DRC1: variants seen among roughly 807,000 people sequenced by gnomAD.
DRC1 encodes the protein dynein regulatory complex subunit 1, also known as dynein regulatory complex protein 1.
In DRC1, 74 loss-of-function variants were observed where a neutral mutation model predicts 98.7. That is an observed-to-expected ratio of 0.75 (90% CI 0.62 to 0.91). The LOEUF (loss-of-function observed/expected upper bound fraction) is 0.91, where lower values mean the gene tolerates loss of function less well. Ranked by LOEUF, DRC1 falls within the 40% of genes least tolerant of loss-of-function variation. DRC1 has a pLI of 0.00. For missense variants in DRC1, 875 were observed against 886.0 expected (o/e 0.99, Z 0.16); for synonymous variants, 336 against 334.1 (o/e 1.01, Z -0.06).
At chr2:26,440,339 G>GTGTA (rs1347559627) in intron 7 of DRC1, 39 bp from the exon 8 acceptor site, 3 of 1,537,028 alleles carry the variant, frequency 2.0e-6, no homozygotes, top group Non-Finnish European at 2.6e-6. Flanking sequence ...GTGTGTGTGT[G>GTGTA]TGTGTGTATA....
chr2:26,404,851 C>A (rs1280179119), intron 1 of DRC1, among the ~76,000 whole-genome samples: 1 of 152,178 alleles, frequency 6.6e-6, no homozygotes, highest in Non-Finnish European at 1.5e-5. Flanking sequence ...AGGACTTTGC[C>A]TCCCCTGTGT....
intron 2 of DRC1, among the ~76,000 whole-genome samples, chr2:26,416,038 A>G (rs1442248636): frequency 6.6e-6 from 1 of 151,870 alleles, no homozygotes; most frequent in Admixed American, 6.6e-5. Flanking sequence ...CACCCCGAGC[A>G]CTCCTTAGTT....
At chr2:26,413,686 T>C (rs1678699162) in intron 1 of DRC1, among the ~76,000 whole-genome samples, 1 of 152,206 alleles carries the variant, frequency 6.6e-6, no homozygotes, top group South Asian at 2.1e-4. Flanking sequence ...CTTTTGTTTA[T>C]TGATTTGAAG....
intron 7 of DRC1, among the ~76,000 whole-genome samples, chr2:26,436,500 A>T (rs1216164310): frequency 2.0e-5 from 3 of 151,876 alleles, no homozygotes. Flanking sequence ...TTTTGTAGAG[A>T]TAGGTTCTCA....
At chr2:26,409,241 G>A (rs1306890310) in intron 1 of DRC1, among the ~76,000 whole-genome samples, 1 of 151,970 alleles carries the variant, frequency 6.6e-6, no homozygotes, top group Admixed American at 6.6e-5. Flanking sequence ...CCATCAGCTT[G>A]TTTTTAATGT....
rs759791684 is a variant in DRC1 at position 26,454,764 on chromosome 2, C to A, written c.2037C>A (p.Ala679=). Residue 679 remains alanine, a synonymous_variant, in exon 15 of 17, where the codon GCC becomes GCA. Coordinates refer to ENST00000288710, the MANE Select transcript of DRC1 (RefSeq NM_145038.5). This position sits in a 1 kb window ranked among gnomAD's most constrained non-coding sequence, Gnocchi z 5.2. ...CCTCCAAGCAGAACCTCTGGGATGC[C>A]CTCTACACAGCCTTGGAGAAGTACC... The part of the protein sequence containing the change: ...IPSSKQNLWD[A]LYTALEKYHL... 1 of 1,614,118 alleles carries A rather than the reference C, an allele frequency of 6.2e-7. No individual in the cohort carries two copies. The highest frequency in any genetic ancestry group is 1.7e-5 in the Admixed American group (1 of 60,016).
At position 26,454,506 on chromosome 2, in the gene DRC1, A is replaced by G. The variant is rs563359430; in HGVS notation, c.1920-141A>G. 4 of 1,250,086 alleles carry G rather than the reference A, an allele frequency of 3.2e-6. No individual in the cohort carries two copies. The East Asian group carries it at 9.5e-5, about 30-fold the overall frequency. The allele number at this position is 1,250,086 out of a possible 1,614,324, so 77.4% of individuals were successfully genotyped here. ...TGACAATAAGCATGCGTCCTTTCTGAGAACCTGCCACCGTCTAATAAACTT... is the reference window on the plus strand; with the variant it reads ...TGACAATAAGCATGCGTCCTTTCTGGGAACCTGCCACCGTCTAATAAACTT... On this transcript the variant is annotated intron_variant, in intron 14 of 16. Transcript: ENST00000288710. This position sits in a 1 kb window ranked among gnomAD's most constrained non-coding sequence, Gnocchi z 5.2.
intron 11 of DRC1, 93 bp downstream of exon 11, chr2:26,448,896 T>A: frequency 1.5e-6 from 2 of 1,324,474 alleles, no homozygotes; most frequent in Non-Finnish European, 2.2e-6. Context: ...GAGTCAGGAG[T>A]GGGCCAGTCC....
Position 26,440,276 on chromosome 2 carries a change from T to C in DRC1, c.889-102T>C, listed in dbSNP as rs144917673. The stretch of plus-strand genomic sequence containing the variant: ...TCCCCAAAAGACATTTTAAATACTC[T>C]AGTGTATATAATACTAAGGATGCAG... On this transcript the variant is annotated intron_variant, in intron 7 of 16. Coordinates refer to ENST00000288710, the MANE Select transcript of DRC1 (RefSeq NM_145038.5). The C allele has an allele frequency of 3.2e-4, 413 of 1,306,640 alleles. 4 individuals are homozygous for C. In the African/African-American group the frequency reaches 5.8e-3, roughly 18 times the overall value. 80.9% of individuals were successfully genotyped at this position (1,306,640 alleles called of 1,614,324 possible).
chr2:26,433,141 T>C (rs1663482306), intron 7 of DRC1, among the ~76,000 whole-genome samples: 1 of 152,176 alleles, frequency 6.6e-6, no homozygotes, highest in African/African-American at 2.4e-5. Flanking sequence ...TAGTAGGAGG[T>C]TATTTCTGGT....
intron 8 of DRC1, among the ~76,000 whole-genome samples, chr2:26,441,549 C>A (rs1160504116): frequency 6.6e-6 from 1 of 151,678 alleles, no homozygotes; most frequent in South Asian, 2.1e-4. Flanking sequence ...TGAGGAGGCA[C>A]CTGGGAAAGC....
intron 1 of DRC1, among the ~76,000 whole-genome samples, chr2:26,411,668 G>A (rs1046635568): frequency 3.3e-5 from 5 of 152,084 alleles, no homozygotes; most frequent in Non-Finnish European, 4.4e-5. Flanking sequence ...GTGGTGGTGC[G>A]TGTTTGTCGT....
chr2:26,449,879 C>A, intron 11 of DRC1, 117 bp from the exon 12 acceptor site: 1 of 874,986 alleles, frequency 1.1e-6, no homozygotes, highest in Non-Finnish European at 1.7e-6. Flanking sequence ...GCTCCCATCC[C>A]TGGGCGTCTG....
intron 5 of DRC1, 70 bp downstream of exon 5, chr2:26,429,835 A>G: frequency 6.5e-7 from 1 of 1,541,170 alleles, no homozygotes; most frequent in Non-Finnish European, 8.8e-7. Context: ...GGTCTGTCCT[A>G]ATAATCTAAG....
At chr2:26,446,847 T>C (rs1040679621) in intron 10 of DRC1, among the ~76,000 whole-genome samples, 1 of 152,178 alleles carries the variant, frequency 6.6e-6, no homozygotes, top group Non-Finnish European at 1.5e-5. Flanking sequence ...ATCCCAGCAC[T>C]TTGGGAGGCC....
rs984590918 is a variant in DRC1, at chr2:26,431,917, G to C, written c.799G>C (p.Glu267Gln). Residue 267 changes from glutamate (E) to glutamine (Q), a missense_variant, in exon 7 of 17, where the codon GAG (glutamate) becomes CAG (glutamine). By Grantham distance (29) the Glu-to-Gln change is conservative. Transcript: ENST00000288710. ...TCTTAACAACCGCATGAAGAAAGTA[G>C]AGGACTATGAGAAGCAGCTGAACAG... ...EYLNNRMKKVEDYEKQLNRQR... is the reference protein window; with the variant it reads ...EYLNNRMKKVQDYEKQLNRQR... 10 of 1,614,020 alleles carry C rather than the reference G, an allele frequency of 6.2e-6. No individual in the cohort carries two copies. Among genetic ancestry groups the C allele is most frequent in the Middle Eastern group, 1.6e-4 (1 of 6,084 alleles).
Position 26,450,075 on chromosome 2 carries a change from C to A in DRC1, c.1589C>A (p.Ala530Asp). 1 of 1,612,926 alleles carries A rather than the reference C, an allele frequency of 6.2e-7. No individual in the cohort carries two copies. The highest frequency in any genetic ancestry group is 8.5e-7 in the Non-Finnish European group (1 of 1,179,648). The change falls in exon 12 of 17, where the codon GCC becomes GAC. Residue 530 changes from alanine to aspartate, a missense_variant. By Grantham distance (126) the Ala-to-Asp change is moderately radical. Coordinates refer to ENST00000288710, the MANE Select transcript of DRC1 (RefSeq NM_145038.5). ...QNECYLLRLD[A>D]IFSALGIESE... ...GAATGCTATCTGCTGAGGCTGGATG[C>A]CATCTTCTCCGTGAGTCCAACGGGG...
At chr2:26,402,230 G>C (rs1355783055) in intron 1 of DRC1, 86 bp downstream of exon 1, 18 of 1,458,274 alleles carry the variant, frequency 1.2e-5, no homozygotes, top group South Asian at 2.8e-5. Context: ...ACATTTCTTC[G>C]GGAAGGTTCA....
intron 3 of DRC1, among the ~76,000 whole-genome samples, chr2:26,421,795 C>T (rs1206135994): frequency 1.3e-5 from 2 of 151,968 alleles, no homozygotes; most frequent in East Asian, 1.9e-4. Context: ...ACTGACCTCA[C>T]GTGATCCACC....
Sources: allele counts gnomAD v4.1 joint callset (sites outside exome capture counted in the v4.1 genomes callset), GRCh38; gene constraint gnomAD v4.1.1; non-coding constraint Gnocchi (gnomAD v3.1); transcripts MANE v1.5; gene names NCBI Gene and HGNC (gene_info 2026-07-23, HGNC 2026-07-21).